The following GRSF1 variants were observed in gnomAD, a reference collection of about 807,000 sequenced individuals.
The protein encoded by GRSF1 is G-rich sequence factor 1.
In GRSF1, 50 loss-of-function variants were observed where a neutral mutation model predicts 51.1. That is an observed-to-expected ratio of 0.98 (90% CI 0.78 to 1.24). GRSF1 has a LOEUF of 1.24. Among genes scored for constraint, GRSF1 ranks in the 50% most tolerant of loss-of-function variants. GRSF1 has a pLI of 0.00. For missense variants in GRSF1, 700 were observed against 639.7 expected, an observed-to-expected ratio of 1.09 and a Z score of -1.02; for synonymous variants, 293 against 253.3, an observed-to-expected ratio of 1.16 and a Z score of -1.49.
chr4:70,823,383 G>A (rs1029985438), intron 9 of GRSF1, among the ~76,000 whole-genome samples: 3 of 150,134 alleles, frequency 2.0e-5, no homozygotes, highest in Non-Finnish European at 4.4e-5. Flanking sequence ...GGCAACAAGA[G>A]TGAAACTCCA....
At position 70,826,922 on chromosome 4, in the gene GRSF1, G is replaced by A. The variant is rs1455299492; in HGVS notation, c.1136-677C>T. On this transcript the variant is annotated intron_variant, in intron 6 of 9. Coordinates refer to ENST00000254799, the MANE Select transcript of GRSF1 (RefSeq NM_002092.4). ...GGGTACCAGTTTAAAAAGTATTTATGAAACTTAAAAGATTCCAAATGTTGC... is the reference window on the plus strand; with the variant it reads ...GGGTACCAGTTTAAAAAGTATTTATAAAACTTAAAAGATTCCAAATGTTGC... Among the ~76,000 whole-genome samples the A allele has an allele frequency of 2.0e-5, 3 of 152,142 alleles. No homozygotes were observed. The East Asian group carries it at 5.8e-4, about 29-fold the overall frequency.
intron 7 of GRSF1, 179 bp downstream of exon 7, chr4:70,825,945 A>T: frequency 1.8e-6 from 1 of 570,492 alleles, no homozygotes; most frequent in Non-Finnish European, 3.1e-6. Flanking sequence ...AAAAAGTAAT[A>T]CCAAGCCACA....
intron 2 of GRSF1, among the ~76,000 whole-genome samples, chr4:70,835,677 G>A (rs534624153): frequency 6.6e-6 from 1 of 152,160 alleles, no homozygotes; most frequent in South Asian, 2.1e-4. Flanking sequence ...TCCTGAGCTT[G>A]TGATCCGCCC....
Position 70,832,296 on chromosome 4 carries a change from C to T in GRSF1, c.814+11G>A. On this transcript the variant is annotated intron_variant, in intron 4 of 9. Transcript: ENST00000254799. ...ATATGAGCTCCCAAGCATAATACAA[C>T]TGCAAAGTACCTGCAAAGAAGTCTA... 1 of 1,611,476 alleles carries T rather than the reference C, an allele frequency of 6.2e-7. No homozygotes were observed. Among genetic ancestry groups the T allele is most frequent in the Non-Finnish European group, 8.5e-7 (1 of 1,178,288 alleles).
intron 6 of GRSF1, among the ~76,000 whole-genome samples, chr4:70,826,592 C>A (rs568524678): frequency 9.5e-4 from 143 of 150,496 alleles, no homozygotes; most frequent in African/African-American, 3.3e-3. Flanking sequence ...GTAATCCCAA[C>A]ACTTTGGAAG....
At chr4:70,839,404 G>A (rs1734366364) in intron 1 of GRSF1, 67 bp downstream of exon 1, 3 of 1,506,914 alleles carry the variant, frequency 2.0e-6, no homozygotes, top group East Asian at 5.2e-5. Context: ...GGGACGGAGG[G>A]GCGCGGGGGC....
Position 70,817,847 on chromosome 4 carries a change from T to A in GRSF1, c.*3040A>T, listed in dbSNP as rs1262760388. 1.3e-5 allele frequency: 2 copies of A among 152,198 alleles called. No homozygotes were observed. The highest frequency in any genetic ancestry group is 6.5e-5 in the Admixed American group (1 of 15,278). 9.4% of individuals were successfully genotyped at this position (152,198 alleles called of 1,614,324 possible). ...CAGCTTTATTCCCTTCCTACAAACT[T>A]CAGATTCTCTTCTAATTTGCTGAAC... On this transcript the variant is annotated 3_prime_UTR_variant, in exon 10 of 10. Transcript: ENST00000254799.
At chr4:70,838,998 G>A in intron 1 of GRSF1, 1 of 483,646 alleles carries the variant, frequency 2.1e-6, no homozygotes, top group Admixed American at 3.7e-5. Context: ...ACGCAACTGT[G>A]TGCGCGCACC....
chr4:70,833,222 T>C lies in GRSF1; in HGVS notation c.566A>G (p.Asp189Gly). Reference protein sequence around the residue: ...ENGIHFLLNRDGKRRGDALIE... With the variant: ...ENGIHFLLNRGGKRRGDALIE... ...TAAGGCATCACCCCTTCGTTTCCCA[T>C]CTCTGTTTAGGAGAAAATGTATTCC... The change falls in exon 3 of 10, where the codon GAT (aspartate) becomes GGT (glycine). Residue 189 changes from aspartate (D) to glycine (G), a missense_variant. Asp to Gly is a moderately conservative substitution (Grantham distance 94, BLOSUM62 -1). Coordinates refer to ENST00000254799, the MANE Select transcript of GRSF1 (RefSeq NM_002092.4). 6.2e-7 allele frequency: 1 copy of C among 1,613,880 alleles called. No individual in the cohort carries two copies. Among genetic ancestry groups the C allele is most frequent in the Non-Finnish European group, 8.5e-7 (1 of 1,179,766 alleles).
chr4:70,819,409 G>A lies in GRSF1; in HGVS notation c.*1478C>T, dbSNP rs116708149. ...TTAAGCTGGTTAAGTCATGTTCACA[G>A]GATTTTAGAGAACACACACACGAAA... On this transcript the variant is annotated 3_prime_UTR_variant, in exon 10 of 10. Coordinates refer to ENST00000254799, the MANE Select transcript of GRSF1 (RefSeq NM_002092.4). The A allele has an allele frequency of 1.7e-3, 254 of 152,260 alleles. No homozygotes were observed. Among genetic ancestry groups the A allele is most frequent in the African/African-American group, 6.0e-3 (249 of 41,564 alleles). 9.4% of individuals were successfully genotyped at this position (152,260 alleles called of 1,614,324 possible). A position where few individuals can be genotyped will look rare whatever the true frequency, so the allele number is the denominator to read the frequency against.
In GRSF1 at chr4:70,818,745, C is replaced by T. The variant is rs1358197615; in HGVS notation, c.*2142G>A. The T allele has an allele frequency of 2.6e-5, 4 of 152,134 alleles. No homozygotes were observed. In the South Asian group the frequency reaches 6.2e-4, roughly 24 times the overall value. 9.4% of individuals were successfully genotyped at this position (152,134 alleles called of 1,614,324 possible). A position where few individuals can be genotyped will look rare whatever the true frequency, so the allele number is the denominator to read the frequency against. On this transcript the variant is annotated 3_prime_UTR_variant, in exon 10 of 10. Coordinates refer to ENST00000254799, the MANE Select transcript of GRSF1 (RefSeq NM_002092.4). ...ATATGAGCACCCTGACCATATGCCC[C>T]ACTCCCACTATTCTTCCTGATGGCT...
chr4:70,822,280 A>G (rs147224804), intron 9 of GRSF1, among the ~76,000 whole-genome samples: 3 of 152,230 alleles, frequency 2.0e-5, no homozygotes, highest in East Asian at 3.9e-4. Context: ...ATCCTTTTAA[A>G]AATACCTTAA....
chr4:70,829,910 A>G (rs948246943), intron 5 of GRSF1, among the ~76,000 whole-genome samples: 4 of 152,198 alleles, frequency 2.6e-5, no homozygotes, highest in African/African-American at 9.6e-5. Context: ...AAAGGCCAGA[A>G]AACAGTAAAA....
upstream of GRSF1, among the ~76,000 whole-genome samples, chr4:70,840,528 G>A (rs1376026736): frequency 6.6e-6 from 1 of 152,158 alleles, no homozygotes; most frequent in African/African-American, 2.4e-5. Flanking sequence ...TTAGTAGGCC[G>A]AGGTAGGGCG....
At chr4:70,826,094 A>T in intron 7 of GRSF1, 30 bp downstream of exon 7, 3 of 1,587,260 alleles carry the variant, frequency 1.9e-6, no homozygotes, top group South Asian at 1.1e-5. Flanking sequence ...GTTCAAATCT[A>T]TTGAGATTGG....
chr4:70,825,077 G>A (rs2148837138), intron 8 of GRSF1, among the ~76,000 whole-genome samples: 2 of 151,838 alleles, frequency 1.3e-5, no homozygotes, highest in African/African-American at 2.4e-5. Flanking sequence ...ACTCCAGCGT[G>A]GGTGACAAAA....
At chr4:70,834,270 T>C (rs1734104785) in intron 2 of GRSF1, among the ~76,000 whole-genome samples, 1 of 150,752 alleles carries the variant, frequency 6.6e-6, no homozygotes, top group African/African-American at 2.4e-5. Flanking sequence ...AAAAAATTAA[T>C]AAAAATAAAT....
At chr4:70,842,211 T>C (rs1734473756), upstream of GRSF1, among the ~76,000 whole-genome samples, 1 of 152,138 alleles carries the variant, frequency 6.6e-6, no homozygotes, top group Non-Finnish European at 1.5e-5. Flanking sequence ...CTTGGATACC[T>C]GGAAAGGGGC....
chr4:70,837,946 G>A (rs1253659836), intron 1 of GRSF1, among the ~76,000 whole-genome samples: 1 of 151,822 alleles, frequency 6.6e-6, no homozygotes, highest in Non-Finnish European at 1.5e-5. Flanking sequence ...AAGGCTTAAT[G>A]TTAGGCCGGG....
Sources: gnomAD v4.1 joint callset for allele counts (sites outside exome capture counted in the v4.1 genomes callset) on GRCh38, gnomAD v4.1.1 for gene constraint, MANE v1.5 for transcripts, NCBI Gene and HGNC (gene_info 2026-07-23, HGNC 2026-07-21) for gene names.